The following PPP3CB variants were observed in gnomAD, a reference collection of about 807,000 sequenced individuals.
The protein encoded by PPP3CB is serine/threonine-protein phosphatase 2B catalytic subunit beta isoform.
In PPP3CB, 8 loss-of-function variants were observed where a neutral mutation model predicts 66.4. The observed-to-expected ratio is 0.12, with a 90% CI of 0.07 to 0.22. The LOEUF (loss-of-function observed/expected upper bound fraction) is 0.22, where lower values mean the gene tolerates loss of function less well. Among genes scored for constraint, PPP3CB ranks in the 10% least tolerant of loss-of-function variants. PPP3CB has a pLI of 1.00. For missense variants in PPP3CB, 319 were observed against 642.5 expected, an observed-to-expected ratio of 0.50 and a Z score of 5.44; for synonymous variants, 208 against 221.2, an observed-to-expected ratio of 0.94 and a Z score of 0.53.
intron 10 of PPP3CB, among the ~76,000 whole-genome samples, chr10:73,447,574 G>A (rs972047492): frequency 1.3e-5 from 2 of 152,168 alleles, no homozygotes; most frequent in Non-Finnish European, 2.9e-5. Context: ...TTCAAAAGGG[G>A]CCTTAGGTAT....
chr10:73,458,769 TGTAAAATGGTACA>T, intron 9 of PPP3CB, among the ~76,000 whole-genome samples: 1 of 152,152 alleles, frequency 6.6e-6, no homozygotes. Flanking sequence ...CTGATGAAAC[TGTAAAATGGTACA>T]GCTAAGGCCG....
chr10:73,444,372 A>G (rs1352143148), intron 12 of PPP3CB: 1 of 541,296 alleles, frequency 1.8e-6, no homozygotes, highest in Non-Finnish European at 3.2e-6. Flanking sequence ...AGTAACAGGA[A>G]TATCCCTGAT....
intron 9 of PPP3CB, among the ~76,000 whole-genome samples, chr10:73,460,074 A>G (rs138525622): frequency 2.0e-5 from 3 of 152,320 alleles, no homozygotes; most frequent in African/African-American, 7.2e-5. Flanking sequence ...TAGAACGAAG[A>G]TAACGTGAAA....
intron 1 of PPP3CB, among the ~76,000 whole-genome samples, chr10:73,482,807 A>G (rs2056903929): frequency 6.6e-6 from 1 of 151,884 alleles, no homozygotes; most frequent in Non-Finnish European, 1.5e-5. Context: ...TAGTAGAGAT[A>G]GGGTTTCACC....
chr10:73,453,368 C>T (rs1288925239), intron 10 of PPP3CB, among the ~76,000 whole-genome samples: 2 of 152,056 alleles, frequency 1.3e-5, no homozygotes, highest in South Asian at 2.1e-4. Context: ...TAATTTAGAA[C>T]CCAGTTGCCA....
chr10:73,491,012 T>G (rs1291911209), intron 1 of PPP3CB, among the ~76,000 whole-genome samples: 2 of 145,404 alleles, frequency 1.4e-5, no homozygotes, highest in African/African-American at 2.6e-5. Flanking sequence ...TTTGTTTGTT[T>G]GTTTTTATTG....
rs779162804 is a variant in PPP3CB at position 73,470,978 on chromosome 10, A to G, written c.810-14T>C. On this transcript the variant is annotated splice_polypyrimidine_tract_variant and intron_variant, in intron 6 of 13. Coordinates refer to ENST00000360663, the MANE Select transcript of PPP3CB (RefSeq NM_021132.4). The stretch of plus-strand genomic sequence containing the variant: ...ACTGCTGGATAGCTGTGGGGGAAAA[A>G]GAGTAAATTAAGTAAAATAATGGCT... 1.2e-6 allele frequency: 2 copies of G among 1,610,620 alleles called. No homozygotes were observed. Among genetic ancestry groups the G allele is most frequent in the East Asian group, 4.5e-5 (2 of 44,806 alleles).
chr10:73,447,413 A>G (rs1190829853), intron 10 of PPP3CB, among the ~76,000 whole-genome samples: 4 of 152,224 alleles, frequency 2.6e-5, no homozygotes, highest in Admixed American at 6.5e-5. Flanking sequence ...AAAGAACAAC[A>G]TCAATCTCAG....
chr10:73,436,510 C>G lies in PPP3CB; in HGVS notation c.*1732G>C, dbSNP rs191440423. The G allele has an allele frequency of 6.6e-6, 1 of 152,132 alleles. No individual in the cohort carries two copies. The highest frequency in any genetic ancestry group is 2.4e-5 in the African/African-American group (1 of 41,486). The allele number at this position is 152,132 out of a possible 1,614,324, so 9.4% of individuals were successfully genotyped here. On this transcript the variant is annotated 3_prime_UTR_variant, in exon 14 of 14. Coordinates refer to ENST00000360663, the MANE Select transcript of PPP3CB (RefSeq NM_021132.4). ...ACTATAACAAAATTCTAGACAATAACATATTTTCTTTCAATTAAAAGACAA... is the reference window on the plus strand; with the variant it reads ...ACTATAACAAAATTCTAGACAATAAGATATTTTCTTTCAATTAAAAGACAA...
rs760336827 is a variant in PPP3CB at position 73,470,663 on chromosome 10, T to A, written c.982+24A>T. On this transcript the variant is annotated intron_variant, in intron 8 of 13. Transcript: ENST00000360663. ...ATTAAAATACTAAGTTGTTTAACAA[T>A]TTTTTTTATCAACAATATCTTACCT... 4.1e-5 allele frequency: 57 copies of A among 1,388,546 alleles called. No individual in the cohort carries two copies. In the Middle Eastern group the frequency reaches 6.8e-4, roughly 17 times the overall value. 86.0% of individuals were successfully genotyped at this position (1,388,546 alleles called of 1,614,324 possible). A position where few individuals can be genotyped will look rare whatever the true frequency, so the allele number is the denominator to read the frequency against.
intron 1 of PPP3CB, among the ~76,000 whole-genome samples, chr10:73,480,380 T>G (rs192743080): frequency 6.6e-6 from 1 of 152,208 alleles, no homozygotes; most frequent in Admixed American, 6.5e-5. Flanking sequence ...CCTAAACTGT[T>G]TGAGATACAG....
intron 1 of PPP3CB, among the ~76,000 whole-genome samples, chr10:73,487,317 G>A (rs1376662601): frequency 2.6e-5 from 4 of 151,882 alleles, no homozygotes; most frequent in Non-Finnish European, 5.9e-5. Context: ...GGAGGTCAAG[G>A]TGGGTATATC....
intron 3 of PPP3CB, among the ~76,000 whole-genome samples, chr10:73,478,229 T>G (rs2056821976): frequency 6.6e-6 from 1 of 152,194 alleles, no homozygotes; most frequent in Non-Finnish European, 1.5e-5. Context: ...AGGCCACTAG[T>G]TAACAGGGCA....
At chr10:73,485,285 A>C (rs933870663) in intron 1 of PPP3CB, among the ~76,000 whole-genome samples, 20 of 152,190 alleles carry the variant, frequency 1.3e-4, no homozygotes, top group African/African-American at 4.8e-4. Context: ...ATTTTAATTT[A>C]GGAAGTTGGA....
intron 9 of PPP3CB, among the ~76,000 whole-genome samples, chr10:73,457,260 G>GAAAAAAAAAAAAAAAAAA (rs35129439): frequency 5.8e-5 from 4 of 68,966 alleles, no homozygotes; most frequent in East Asian, 4.5e-4. Flanking sequence ...CTCTAAAAAA[G>GAAAAAAAAAAAAAAAAAA]AAAAAAAAAA....
chr10:73,489,358 T>G (rs978109346), intron 1 of PPP3CB, among the ~76,000 whole-genome samples: 2 of 151,926 alleles, frequency 1.3e-5, no homozygotes, highest in African/African-American at 4.8e-5. Context: ...ATGGCCAGAA[T>G]TAGCCATCAA....
At chr10:73,477,226 A>G (rs778388308) in intron 3 of PPP3CB, 1 of 518,144 alleles carries the variant, frequency 1.9e-6, no homozygotes, top group Non-Finnish European at 3.9e-6. Context: ...GAACATATTA[A>G]ATGTGCAACA....
intron 10 of PPP3CB, among the ~76,000 whole-genome samples, chr10:73,451,658 T>C (rs2132815023): frequency 6.6e-6 from 1 of 151,842 alleles, no homozygotes; most frequent in African/African-American, 2.4e-5. Flanking sequence ...ATCCCAGCGC[T>C]TTTTGAGAGG....
intron 12 of PPP3CB, among the ~76,000 whole-genome samples, chr10:73,443,247 AG>A (rs2056181614): frequency 7.0e-6 from 1 of 142,102 alleles, no homozygotes. Context: ...AGAGAGAGAG[AG>A]AAAGAGAGAG....
Sources: allele counts gnomAD v4.1 joint callset (sites outside exome capture counted in the v4.1 genomes callset), GRCh38; gene constraint gnomAD v4.1.1; transcripts MANE v1.5; gene names NCBI Gene and HGNC (gene_info 2026-07-23, HGNC 2026-07-21).